The following EML6 variants were observed in gnomAD, a reference collection of about 807,000 sequenced individuals.
EML6 encodes echinoderm microtubule-associated protein-like 6.
Under a neutral mutation model 240.1 loss-of-function variants are expected in EML6, and 154 were observed. The ratio of observed to expected loss-of-function variants is 0.64; its 90% confidence interval spans 0.56 to 0.73. The LOEUF (loss-of-function observed/expected upper bound fraction) is 0.73, where lower values mean the gene tolerates loss of function less well. Among genes scored for constraint, EML6 ranks in the 30% least tolerant of loss-of-function variants. The pLI is 0.00. For missense variants in EML6, 2,964 were observed against 2,474.6 expected, an observed-to-expected ratio of 1.20 and a Z score of -4.20; for synonymous variants, 1,148 against 899.0, an observed-to-expected ratio of 1.28 and a Z score of -4.95.
At chr2:54,930,871 A>G (rs1470289471) in intron 28 of EML6, among the ~76,000 whole-genome samples, 1 of 151,808 alleles carries the variant, frequency 6.6e-6, no homozygotes, top group African/African-American at 2.4e-5. Context: ...AATCACAATC[A>G]GAGCCAAGAA....
intron 23 of EML6, 83 bp from the exon 24 acceptor site, chr2:54,903,288 T>G: frequency 1.3e-6 from 2 of 1,524,458 alleles, no homozygotes; most frequent in Middle Eastern, 3.4e-4. Context: ...TTTGACCATT[T>G]TCCCACTTTT....
chr2:54,789,439 G>A (rs1245808449), intron 2 of EML6, among the ~76,000 whole-genome samples: 2 of 147,792 alleles, frequency 1.4e-5, no homozygotes, highest in Non-Finnish European at 3.0e-5. Context: ...GCGTGAACCC[G>A]GGAGGCGGAG....
chr2:54,758,199 G>C (rs1319113595), intron 2 of EML6, among the ~76,000 whole-genome samples: 1 of 151,872 alleles, frequency 6.6e-6, no homozygotes. Flanking sequence ...CTGTTCTATT[G>C]TTTTCAAGTC....
chr2:54,890,836 C>T (rs1672428453), intron 17 of EML6, among the ~76,000 whole-genome samples: 1 of 152,094 alleles, frequency 6.6e-6, no homozygotes, highest in African/African-American at 2.4e-5. Flanking sequence ...AGTAAATAAA[C>T]TTTGGCAGCA....
intron 15 of EML6, among the ~76,000 whole-genome samples, chr2:54,870,276 C>A (rs1298469112): frequency 6.6e-6 from 1 of 152,078 alleles, no homozygotes; most frequent in African/African-American, 2.4e-5. Flanking sequence ...GGGAGTCAAC[C>A]CCTTAAAAAG....
At chr2:54,941,958 T>C (rs1675451776) in intron 28 of EML6, among the ~76,000 whole-genome samples, 1 of 152,248 alleles carries the variant, frequency 6.6e-6, no homozygotes, top group African/African-American at 2.4e-5. Flanking sequence ...CCAGAAATGC[T>C]GAAATTAATC....
rs535208062 is a variant in EML6 at position 54,919,495 on chromosome 2, C to G, written c.3675+2560C>G. ...TGGTGAGTAGCCCTGAGATACACATCTGTTTCTGTCCAGTGTTACGTTCAT... is the reference window on the plus strand; with the variant it reads ...TGGTGAGTAGCCCTGAGATACACATGTGTTTCTGTCCAGTGTTACGTTCAT... On this transcript the variant is annotated intron_variant, in intron 26 of 41. Coordinates refer to ENST00000356458, the MANE Select transcript of EML6 (RefSeq NM_001039753.4). Among the ~76,000 whole-genome samples the G allele has an allele frequency of 2.0e-5, 3 of 152,314 alleles. No homozygotes were observed. The South Asian group carries it at 6.2e-4, about 32-fold the overall frequency.
At chr2:54,963,426 T>C (rs1676612780) in intron 36 of EML6, among the ~76,000 whole-genome samples, 1 of 152,232 alleles carries the variant, frequency 6.6e-6, no homozygotes, top group Non-Finnish European at 1.5e-5. Flanking sequence ...GTGCCTACAA[T>C]AACCTTGCAA....
chr2:54,960,355 T>G, intron 35 of EML6, 21 bp downstream of exon 35: 1 of 1,513,184 alleles, frequency 6.6e-7, no homozygotes, highest in Non-Finnish European at 9.0e-7. Context: ...CCAGCTCCCC[T>G]GGGGGCTGGG....
At chr2:54,813,416 T>G (rs1321897899) in intron 3 of EML6, 25 bp downstream of exon 3, 2 of 1,540,026 alleles carry the variant, frequency 1.3e-6, no homozygotes, top group East Asian at 4.9e-5. Flanking sequence ...TTAGTTGTTT[T>G]ATTTAATGAC....
intron 36 of EML6, among the ~76,000 whole-genome samples, chr2:54,963,591 C>G (rs1573226747): frequency 6.6e-6 from 1 of 152,238 alleles, no homozygotes. Flanking sequence ...GGTTGGCAAT[C>G]TACAGTTAAA....
chr2:54,726,402 A>T (rs1682909726), intron 2 of EML6, among the ~76,000 whole-genome samples: 1 of 151,980 alleles, frequency 6.6e-6, no homozygotes, highest in African/African-American at 2.4e-5. Context: ...TTCAAAGATC[A>T]GCTTTTTTTT....
chr2:54,887,540 T>C (rs908455972), intron 17 of EML6, among the ~76,000 whole-genome samples: 25 of 152,240 alleles, frequency 1.6e-4, no homozygotes, highest in African/African-American at 5.8e-4. Context: ...AATTTATTAA[T>C]CTTTTATTGC....
intron 2 of EML6, among the ~76,000 whole-genome samples, chr2:54,791,458 T>G (rs1669449327): frequency 6.6e-6 from 1 of 152,250 alleles, no homozygotes; most frequent in South Asian, 2.1e-4. Flanking sequence ...CTTCCTCTTG[T>G]ACCTGTGATA....
intron 16 of EML6, among the ~76,000 whole-genome samples, chr2:54,875,211 C>T (rs553631342): frequency 1.6e-4 from 25 of 152,266 alleles, no homozygotes; most frequent in African/African-American, 6.0e-4. Context: ...GAAGAGAGAT[C>T]CCGTTCTAAA....
intron 26 of EML6, among the ~76,000 whole-genome samples, chr2:54,926,580 G>A (rs753235213): frequency 6.6e-5 from 10 of 152,230 alleles, no homozygotes; most frequent in Non-Finnish European, 1.3e-4. Context: ...AGGCCCTGCC[G>A]GGAACCACTA....
At chr2:54,907,954 T>TAGATA (rs1553412972) in intron 24 of EML6, among the ~76,000 whole-genome samples, 3 of 35,076 alleles carry the variant, frequency 8.6e-5, no homozygotes, top group Non-Finnish European at 2.1e-4. Context: ...ATAAGATAGA[T>TAGATA]AGATAGATAG....
At chr2:54,843,677 CA>C (rs1174022893) in intron 7 of EML6, among the ~76,000 whole-genome samples, 1 of 151,670 alleles carries the variant, frequency 6.6e-6, no homozygotes, top group Non-Finnish European at 1.5e-5. Context: ...ACCCCGTCTC[CA>C]CTAAAAATAC....
chr2:54,942,017 C>T (rs912778468), intron 28 of EML6, among the ~76,000 whole-genome samples: 1 of 152,214 alleles, frequency 6.6e-6, no homozygotes, highest in African/African-American at 2.4e-5. Context: ...AAAGCTGAAT[C>T]ATTCGTTGAT....
Sources: gnomAD v4.1 joint callset for allele counts (sites outside exome capture counted in the v4.1 genomes callset) on GRCh38, gnomAD v4.1.1 for gene constraint, MANE v1.5 for transcripts, NCBI Gene and HGNC (gene_info 2026-07-23, HGNC 2026-07-21) for gene names.